Variants in PCDHGB3 observed in about 807,000 individuals in gnomAD.
PCDHGB3 encodes the protein protocadherin gamma subfamily B, 3.
Under a neutral mutation model 59.2 loss-of-function variants are expected in PCDHGB3, and 40 were observed. That is an observed-to-expected ratio of 0.68 (90% CI 0.52 to 0.88). The LOEUF is 0.88. Ranked by LOEUF, PCDHGB3 falls within the 40% of genes least tolerant of loss-of-function variation. The pLI is 0.00. For missense variants in PCDHGB3, 1,309 were observed against 1,187.9 expected, an observed-to-expected ratio of 1.10 and a Z score of -1.50; for synonymous variants, 581 against 503.6, an observed-to-expected ratio of 1.15 and a Z score of -2.06.
intron 3 of PCDHGB3, chr5:141,508,338 A>T (rs1245526252): frequency 1.3e-5 from 2 of 152,224 alleles, no homozygotes; most frequent in Non-Finnish European, 2.9e-5. Flanking sequence ...AACTGACTCT[A>T]CAGAAAGTCA....
intron 1 of PCDHGB3, chr5:141,405,058 T>C (rs1174407561): frequency 1.2e-6 from 2 of 1,613,912 alleles, no homozygotes; most frequent in East Asian, 2.2e-5. Flanking sequence ...TCGTCTCCTG[T>C]GTCTTCCTCA....
intron 1 of PCDHGB3, chr5:141,403,280 G>GT: frequency 6.2e-7 from 1 of 1,613,894 alleles, no homozygotes; most frequent in Non-Finnish European, 8.5e-7. Flanking sequence ...TAAAGTCCTG[G>GT]TTGAAGACAG....
chr5:141,377,665 G>T (rs1040007479), intron 1 of PCDHGB3: 1 of 151,618 alleles, frequency 6.6e-6, no homozygotes, highest in Admixed American at 6.6e-5. Flanking sequence ...AACGACAGAC[G>T]TTCATACAAG....
At chr5:141,387,499 T>A (rs57697403) in intron 1 of PCDHGB3, among the ~76,000 whole-genome samples, 12,383 of 152,290 alleles carry the variant, frequency 0.081, 653 homozygotes, top group African/African-American at 0.15. Context: ...TAAGAGTACA[T>A]TTTTAGACGT....
rs752660585 is a variant in PCDHGB3 at position 141,400,337 on chromosome 5, C to A, written c.2415+27528C>A. The A allele has an allele frequency of 6.6e-5, 106 of 1,613,962 alleles. No homozygotes were observed. The Admixed American group carries it at 1.7e-3, about 26-fold the overall frequency. ...GTCAAGTCTGGACCTGTGGTTCCCC[C>A]CAACTACAGTCAGGGGACTTTGCCT... On this transcript the variant is annotated intron_variant, in intron 1 of 3. Transcript: ENST00000576222.
chr5:141,431,553 A>T lies in PCDHGB3; in HGVS notation c.2415+58744A>T, dbSNP rs762863300. On this transcript the variant is annotated intron_variant, in intron 1 of 3. Coordinates refer to ENST00000576222, the MANE Select transcript of PCDHGB3 (RefSeq NM_018924.5). The surrounding 1 kb of genome is among the most constrained non-coding windows in gnomAD (Gnocchi z 4.8). Reference sequence around the variant, plus strand: ...TTGGGCACGCAGCTGCTTGTAGTCAACGCTACCGACCCTGACGAAGGAGTC... The same window carrying T: ...TTGGGCACGCAGCTGCTTGTAGTCATCGCTACCGACCCTGACGAAGGAGTC... The T allele has an allele frequency of 1.1e-5, 18 of 1,613,994 alleles. 1 individual carries two copies. Among genetic ancestry groups the T allele is most frequent in the Non-Finnish European group, 3.4e-6 (4 of 1,180,028 alleles).
intron 1 of PCDHGB3, among the ~76,000 whole-genome samples, chr5:141,469,923 G>A (rs1251812588): frequency 1.3e-5 from 2 of 152,200 alleles, no homozygotes; most frequent in Non-Finnish European, 2.9e-5. Flanking sequence ...CCGAGGTCAG[G>A]AGTTTGAGAC....
chr5:141,427,798 T>A, intron 1 of PCDHGB3: 1 of 1,506,550 alleles, frequency 6.6e-7, no homozygotes. Context: ...TACGTGTCCG[T>A]GAGCGCACAG....
Position 141,420,255 on chromosome 5 carries a change from A to T in PCDHGB3, c.2415+47446A>T, listed in dbSNP as rs917458059. The T allele has an allele frequency of 2.5e-6, 4 of 1,569,630 alleles. No homozygotes were observed. The highest frequency in any genetic ancestry group is 1.4e-5 in the African/African-American group (1 of 73,152). On this transcript the variant is annotated intron_variant, in intron 1 of 3. Coordinates refer to ENST00000576222, the MANE Select transcript of PCDHGB3 (RefSeq NM_018924.5). ...ATTTTAACTCCCAGCGTTGAAGCAG[A>T]TAAGAAGATTCTTAAACAGGTAAGT...
At chr5:141,386,930 G>A (rs555182145) in intron 1 of PCDHGB3, among the ~76,000 whole-genome samples, 29 of 152,300 alleles carry the variant, frequency 1.9e-4, no homozygotes, top group African/African-American at 6.0e-4. Flanking sequence ...AATAAGTGCA[G>A]AGGTAGGAAG....
rs1327610213 is a variant in PCDHGB3 at position 141,423,493 on chromosome 5, C to T, written c.2415+50684C>T. 5 of 1,613,984 alleles carry T rather than the reference C, an allele frequency of 3.1e-6. No homozygotes were observed. In the South Asian group the frequency reaches 5.5e-5, roughly 18 times the overall value. On this transcript the variant is annotated intron_variant, in intron 1 of 3. Coordinates refer to ENST00000576222, the MANE Select transcript of PCDHGB3 (RefSeq NM_018924.5). The stretch of plus-strand genomic sequence containing the variant: ...ACAGGCTTTCCTGCAAACCTATTCC[C>T]ACGAGGTCTCTCTCATTGCGGACTC...
chr5:141,468,845 A>G (rs1426852752), intron 1 of PCDHGB3, among the ~76,000 whole-genome samples: 3 of 152,150 alleles, frequency 2.0e-5, no homozygotes, highest in Non-Finnish European at 2.9e-5. Flanking sequence ...CAGCCTGGGC[A>G]ACAGAGCGAG....
intron 1 of PCDHGB3, among the ~76,000 whole-genome samples, chr5:141,438,614 A>G (rs1208036297): frequency 5.8e-5 from 2 of 34,396 alleles, no homozygotes. Context: ...ATATATATAT[A>G]TATATATATA....
At chr5:141,387,156 A>C (rs1173690148) in intron 1 of PCDHGB3, among the ~76,000 whole-genome samples, 1 of 152,232 alleles carries the variant, frequency 6.6e-6, no homozygotes, top group Non-Finnish European at 1.5e-5. Flanking sequence ...GTGTATTTGA[A>C]GATAAGTATA....
chr5:141,478,146 T>C (rs1457995929), intron 1 of PCDHGB3: 1 of 1,613,978 alleles, frequency 6.2e-7, no homozygotes, highest in Non-Finnish European at 8.5e-7. Context: ...CGAGCCGAGT[T>C]CCCCTCTGGC....
intron 1 of PCDHGB3, chr5:141,411,909 A>T (rs1176626028): frequency 6.6e-6 from 1 of 152,204 alleles, no homozygotes; most frequent in Non-Finnish European, 1.5e-5. Flanking sequence ...TTGCCTTTGC[A>T]CTCAGTCTCT....
At chr5:141,413,970 G>A in intron 1 of PCDHGB3, 1 of 1,613,450 alleles carries the variant, frequency 6.2e-7, no homozygotes, top group Non-Finnish European at 8.5e-7. Flanking sequence ...GCACTCAGCT[G>A]CTGACAGTCA....
At chr5:141,378,822 T>C (rs181427236) in intron 1 of PCDHGB3, 13 of 152,360 alleles carry the variant, frequency 8.5e-5, no homozygotes, top group Non-Finnish European at 1.6e-4. Flanking sequence ...CATTGTTTCA[T>C]GAACAGAAAA....
intron 1 of PCDHGB3, chr5:141,393,975 G>C (rs2092889131): frequency 6.2e-7 from 1 of 1,613,680 alleles, no homozygotes; most frequent in Admixed American, 1.7e-5. Context: ...TTACACACGT[G>C]ATAATTTACC....
Sources: gnomAD v4.1 joint callset for allele counts (sites outside exome capture counted in the v4.1 genomes callset) on GRCh38, gnomAD v4.1.1 for gene constraint, Gnocchi (gnomAD v3.1) non-coding constraint, MANE v1.5 for transcripts, NCBI Gene and HGNC (gene_info 2026-07-23, HGNC 2026-07-21) for gene names.